Variants in BBOX1 observed in about 807,000 individuals in gnomAD.
BBOX1 encodes gamma-butyrobetaine hydroxylase 1.
In BBOX1, 35 loss-of-function variants were observed where a neutral mutation model predicts 41.6. The observed-to-expected ratio is 0.84, with a 90% CI of 0.64 to 1.11. The LOEUF is 1.11. Among genes scored for constraint, BBOX1 ranks in the 50% most tolerant of loss-of-function variants. The pLI is 0.00. For missense variants in BBOX1, 458 were observed against 460.6 expected, an observed-to-expected ratio of 0.99 and a Z score of 0.05; for synonymous variants, 163 against 154.7, an observed-to-expected ratio of 1.05 and a Z score of -0.40.
intron 4 of BBOX1, among the ~76,000 whole-genome samples, chr11:27,091,654 G>A (rs116935099): frequency 1.2e-3 from 176 of 151,916 alleles, no homozygotes; most frequent in Non-Finnish European, 1.9e-3. Context: ...TAAAGAACTG[G>A]AAAGACTGTA....
intron 6 of BBOX1, among the ~76,000 whole-genome samples, chr11:27,118,156 G>A (rs1048735975): frequency 6.6e-6 from 1 of 151,858 alleles, no homozygotes; most frequent in East Asian, 1.9e-4. Context: ...ATGTAATAGA[G>A]ACATCATAGA....
chr11:27,067,517 C>T (rs181346167), intron 4 of BBOX1, among the ~76,000 whole-genome samples: 4 of 151,956 alleles, frequency 2.6e-5, no homozygotes, highest in Admixed American at 6.6e-5. Context: ...GGTGGATCAC[C>T]TGAGGTCAGG....
At chr11:27,092,307 T>G (rs1003524200) in intron 4 of BBOX1, among the ~76,000 whole-genome samples, 1 of 151,930 alleles carries the variant, frequency 6.6e-6, no homozygotes, top group African/African-American at 2.4e-5. Flanking sequence ...AAGGCTTACC[T>G]TCCTAGGGCA....
At chr11:27,118,958 C>G (rs1859363938) in intron 6 of BBOX1, among the ~76,000 whole-genome samples, 1 of 151,758 alleles carries the variant, frequency 6.6e-6, no homozygotes, top group African/African-American at 2.4e-5. Context: ...TATGTAACAC[C>G]ACTGGCCTAA....
chr11:27,076,416 C>T (rs188681596), intron 4 of BBOX1, among the ~76,000 whole-genome samples: 4 of 152,298 alleles, frequency 2.6e-5, no homozygotes, highest in East Asian at 3.9e-4. Flanking sequence ...CTGCAGGCAA[C>T]GGTGATAGCT....
chr11:27,046,060 C>A (rs1851477694), intron 2 of BBOX1, among the ~76,000 whole-genome samples: 2 of 152,114 alleles, frequency 1.3e-5, no homozygotes, highest in Non-Finnish European at 2.9e-5. Context: ...TGAGCCTGGA[C>A]AAATCACACC....
At chr11:27,125,511 C>G in intron 7 of BBOX1, 143 bp from the exon 8 acceptor site, 1 of 631,818 alleles carries the variant, frequency 1.6e-6, no homozygotes, top group Non-Finnish European at 2.4e-6. Flanking sequence ...CATTGCACCA[C>G]AGGTAGCCTT....
intron 4 of BBOX1, among the ~76,000 whole-genome samples, chr11:27,082,328 G>C (rs1857874355): frequency 6.6e-6 from 1 of 152,110 alleles, no homozygotes; most frequent in African/African-American, 2.4e-5. Flanking sequence ...AATTGGAGCT[G>C]TTTGAAACCT....
chr11:27,126,822 C>T (rs1355482490), intron 8 of BBOX1, among the ~76,000 whole-genome samples: 3 of 151,942 alleles, frequency 2.0e-5, no homozygotes, highest in Non-Finnish European at 4.4e-5. Context: ...ACTACAGGCA[C>T]TGCCACCACG....
chr11:27,090,495 C>G (rs993160759), intron 4 of BBOX1, among the ~76,000 whole-genome samples: 1 of 151,882 alleles, frequency 6.6e-6, no homozygotes, highest in African/African-American at 2.4e-5. Flanking sequence ...AGATCACATG[C>G]TTCTGAGGGA....
At chr11:27,078,767 T>C (rs1173520568) in intron 4 of BBOX1, among the ~76,000 whole-genome samples, 6 of 152,186 alleles carry the variant, frequency 3.9e-5, no homozygotes, top group African/African-American at 1.2e-4. Context: ...AATAACATGG[T>C]GTTAACAGAA....
At chr11:27,068,990 GA>G (rs776325435) in intron 4 of BBOX1, among the ~76,000 whole-genome samples, 1 of 152,012 alleles carries the variant, frequency 6.6e-6, no homozygotes, top group Non-Finnish European at 1.5e-5. Flanking sequence ...AGTAAAATTT[GA>G]AATCAGTTCA....
intron 2 of BBOX1, among the ~76,000 whole-genome samples, chr11:27,045,101 C>T (rs561071763): frequency 6.6e-6 from 1 of 152,232 alleles, no homozygotes; most frequent in South Asian, 2.1e-4. Context: ...TCTCTTATTT[C>T]CTTGAGCAAT....
rs568031033 is a variant in BBOX1, at chr11:27,115,666, A to T, written c.639+109A>T. On this transcript the variant is annotated intron_variant, in intron 6 of 8. Transcript: ENST00000263182. ...TCACCAGGTAGTTTGTCTTTTATAAATTTTTTCTCCAAACACAATCCAAGC... is the reference window on the plus strand; with the variant it reads ...TCACCAGGTAGTTTGTCTTTTATAATTTTTTTCTCCAAACACAATCCAAGC... The T allele has an allele frequency of 3.2e-6, 3 of 945,742 alleles. No individual in the cohort carries two copies. In the South Asian group the frequency reaches 6.3e-5, roughly 20 times the overall value. The allele number at this position is 945,742 out of a possible 1,614,324, so 58.6% of individuals were successfully genotyped here. A position where few individuals can be genotyped will look rare whatever the true frequency, so the allele number is the denominator to read the frequency against.
At chr11:27,064,178 AG>A (rs1019393125) in intron 4 of BBOX1, among the ~76,000 whole-genome samples, 5 of 151,874 alleles carry the variant, frequency 3.3e-5, no homozygotes, top group Non-Finnish European at 5.9e-5. Flanking sequence ...AATTATAAAA[AG>A]AACTAGCAAG....
chr11:27,104,337 A>C (rs928907052), intron 5 of BBOX1, among the ~76,000 whole-genome samples: 3 of 152,156 alleles, frequency 2.0e-5, no homozygotes, highest in African/African-American at 7.2e-5. Context: ...ACAGTTGCCA[A>C]TATCATATAG....
intron 4 of BBOX1, among the ~76,000 whole-genome samples, chr11:27,089,980 C>CA (rs1270541106): frequency 6.6e-6 from 1 of 151,938 alleles, no homozygotes; most frequent in Non-Finnish European, 1.5e-5. Flanking sequence ...ACACAATGAG[C>CA]AAATGGGAGT....
intron 4 of BBOX1, among the ~76,000 whole-genome samples, chr11:27,084,216 C>T (rs968266012): frequency 2.0e-5 from 3 of 152,134 alleles, no homozygotes; most frequent in Non-Finnish European, 1.5e-5. Flanking sequence ...CCTATGAAGT[C>T]CAGTGATGCT....
At chr11:27,110,709 C>T (rs1859030445) in intron 5 of BBOX1, among the ~76,000 whole-genome samples, 1 of 151,908 alleles carries the variant, frequency 6.6e-6, no homozygotes, top group African/African-American at 2.4e-5. Context: ...TACCTTGCTT[C>T]ATTTTCTTTG....
Sources: allele counts gnomAD v4.1 joint callset (sites outside exome capture counted in the v4.1 genomes callset), GRCh38; gene constraint gnomAD v4.1.1; transcripts MANE v1.5; gene names NCBI Gene and HGNC (gene_info 2026-07-23, HGNC 2026-07-21).